Variants in PCED1B observed in about 807,000 individuals in gnomAD.
PCED1B encodes the protein PC-esterase domain containing 1B.
For synonymous variants in PCED1B, 251 were observed against 246.1 expected (o/e 1.02, Z -0.19); for missense variants, 573 against 573.9 (o/e 1.00, Z 0.02).
intron 2 of PCED1B, among the ~76,000 whole-genome samples, chr12:47,115,408 C>CT (rs1939374422): frequency 6.6e-6 from 1 of 152,068 alleles, no homozygotes; most frequent in South Asian, 2.1e-4. Flanking sequence ...TCATTTTGTA[C>CT]TTTTTTGGTG....
At position 47,235,583 on chromosome 12, in the gene PCED1B, G is replaced by A. The variant is rs751416285; in HGVS notation, c.520G>A (p.Gly174Arg). 5.6e-6 allele frequency: 9 copies of A among 1,608,598 alleles called. No homozygotes were observed. Among genetic ancestry groups the A allele is most frequent in the Admixed American group, 1.7e-5 (1 of 59,720 alleles). Residue 174 changes from glycine to arginine, a missense_variant, in exon 4 of 4, where the codon GGG (glycine) becomes AGG (arginine). Coordinates refer to ENST00000546455, the MANE Select transcript of PCED1B (RefSeq NM_138371.3). Reference sequence around the variant, plus strand: ...CATGCCTGTGGGCGAGGAAGTCACCGGGGGTTTTCTTCCGCCCAAGCTCCG... The same window carrying A: ...CATGCCTGTGGGCGAGGAAGTCACCAGGGGTTTTCTTCCGCCCAAGCTCCG... ...TAMPVGEEVTGGFLPPKLRRQ... is the reference protein window; with the variant it reads ...TAMPVGEEVTRGFLPPKLRRQ...
At position 47,234,992 on chromosome 12, in the gene PCED1B, C is replaced by T. The variant is rs1485641590; in HGVS notation, c.-57-15C>T. On this transcript the variant is annotated splice_polypyrimidine_tract_variant and intron_variant, in intron 3 of 3. Coordinates refer to ENST00000546455, the MANE Select transcript of PCED1B (RefSeq NM_138371.3). The stretch of plus-strand genomic sequence containing the variant: ...GAGGTGAGTCCCTCCCAGCCCTTCT[C>T]TCCTTCTGTCCTAGCCATCCGCAGA... The T allele has an allele frequency of 7.1e-7, 1 of 1,408,554 alleles. No individual in the cohort carries two copies. Among genetic ancestry groups the T allele is most frequent in the Non-Finnish European group, 9.5e-7 (1 of 1,048,842 alleles). The allele number at this position is 1,408,554 out of a possible 1,614,324, so 87.3% of individuals were successfully genotyped here.
In PCED1B at chr12:47,222,786, G is replaced by C. The variant is rs558342207; in HGVS notation, c.-58+6097G>C. Among the ~76,000 whole-genome samples the C allele has an allele frequency of 5.3e-5, 8 of 152,236 alleles. No individual in the cohort carries two copies. In the South Asian group the frequency reaches 1.7e-3, roughly 32 times the overall value. ...GCAGTGGAGCAGGATCAAACCCAGG[G>C]GGCCAACCCCAGAGCCCCTCCCTCT... On this transcript the variant is annotated intron_variant, in intron 3 of 3. Transcript: ENST00000546455.
chr12:47,198,120 A>G (rs1455229728), intron 2 of PCED1B, among the ~76,000 whole-genome samples: 1 of 152,260 alleles, frequency 6.6e-6, no homozygotes, highest in Non-Finnish European at 1.5e-5. Flanking sequence ...CATATCTTTC[A>G]CAATCATAAA....
At chr12:47,093,214 A>T (rs1206994125) in intron 1 of PCED1B, among the ~76,000 whole-genome samples, 2 of 151,868 alleles carry the variant, frequency 1.3e-5, no homozygotes, top group Non-Finnish European at 2.9e-5. Flanking sequence ...GTCTTGGTAA[A>T]TTGTATTTTC....
At chr12:47,207,689 C>T (rs1942953189) in intron 2 of PCED1B, among the ~76,000 whole-genome samples, 1 of 152,230 alleles carries the variant, frequency 6.6e-6, no homozygotes, top group African/African-American at 2.4e-5. Flanking sequence ...AGTATGCATT[C>T]CTCTTCATCA....
At chr12:47,140,387 C>T (rs1328594006) in intron 2 of PCED1B, among the ~76,000 whole-genome samples, 1 of 152,066 alleles carries the variant, frequency 6.6e-6, no homozygotes, top group Admixed American at 6.6e-5. Flanking sequence ...TTTGAAAACC[C>T]AGGGATTCTT....
intron 2 of PCED1B, among the ~76,000 whole-genome samples, chr12:47,104,814 G>A (rs920294036): frequency 6.6e-6 from 1 of 152,138 alleles, no homozygotes; most frequent in Non-Finnish European, 1.5e-5. Flanking sequence ...ACCCACAGCA[G>A]CCTCCACTGG....
At chr12:47,190,334 G>A (rs756655347) in intron 2 of PCED1B, among the ~76,000 whole-genome samples, 2 of 152,162 alleles carry the variant, frequency 1.3e-5, no homozygotes, top group Admixed American at 6.5e-5. Flanking sequence ...AATAGATACA[G>A]ACCTCACCCA....
intron 3 of PCED1B, among the ~76,000 whole-genome samples, chr12:47,231,336 G>A (rs1159547403): frequency 6.6e-6 from 1 of 152,200 alleles, no homozygotes; most frequent in African/African-American, 2.4e-5. Flanking sequence ...GTGAAGAAAT[G>A]ACAGGACAAA....
intron 1 of PCED1B, among the ~76,000 whole-genome samples, chr12:47,080,961 A>C (rs901191941): frequency 4.6e-5 from 7 of 152,120 alleles, no homozygotes; most frequent in Admixed American, 1.3e-4. Flanking sequence ...CCTTCCGGAG[A>C]TGCCGCGGCC....
At chr12:47,120,179 G>A (rs1939616767) in intron 2 of PCED1B, among the ~76,000 whole-genome samples, 1 of 152,058 alleles carries the variant, frequency 6.6e-6, no homozygotes, top group South Asian at 2.1e-4. Context: ...CAAAAATTCA[G>A]ATAACAAATG....
intron 2 of PCED1B, among the ~76,000 whole-genome samples, chr12:47,111,976 T>A (rs1436218026): frequency 6.6e-6 from 1 of 152,152 alleles, no homozygotes; most frequent in African/African-American, 2.4e-5. Flanking sequence ...AAGCTGTTGG[T>A]GGGGGTCGTG....
chr12:47,106,548 C>T (rs376957563), intron 2 of PCED1B, among the ~76,000 whole-genome samples: 58 of 152,166 alleles, frequency 3.8e-4, no homozygotes, highest in African/African-American at 1.3e-3. Flanking sequence ...TCAGCAAACG[C>T]GCCTCTCAAC....
intron 2 of PCED1B, among the ~76,000 whole-genome samples, chr12:47,126,725 A>G (rs1380841242): frequency 1.3e-5 from 2 of 152,122 alleles, no homozygotes; most frequent in Non-Finnish European, 2.9e-5. Flanking sequence ...ATTAGCTTTC[A>G]TAGTCTGTGT....
intron 2 of PCED1B, among the ~76,000 whole-genome samples, chr12:47,133,845 G>A (rs1940232932): frequency 6.6e-6 from 1 of 152,154 alleles, no homozygotes; most frequent in South Asian, 2.1e-4. Context: ...ACCTTTAGGA[G>A]GTGATTTAGG....
At chr12:47,103,441 A>T (rs1274578277) in intron 1 of PCED1B, among the ~76,000 whole-genome samples, 1 of 152,228 alleles carries the variant, frequency 6.6e-6, no homozygotes, top group Non-Finnish European at 1.5e-5. Flanking sequence ...GCCAGAAGCC[A>T]TGATGAAGTC....
intron 3 of PCED1B, among the ~76,000 whole-genome samples, chr12:47,217,805 G>A (rs1051573842): frequency 5.3e-5 from 8 of 152,168 alleles, no homozygotes; most frequent in Admixed American, 5.2e-4. Flanking sequence ...TTGAACTCCA[G>A]ACCTCAGGTG....
At chr12:47,160,043 G>T (rs1321678210) in intron 2 of PCED1B, among the ~76,000 whole-genome samples, 2 of 151,958 alleles carry the variant, frequency 1.3e-5, no homozygotes, top group African/African-American at 4.8e-5. Context: ...AAATCAGTTG[G>T]CTGCAAATAC....
Sources: gnomAD v4.1 joint callset for allele counts (sites outside exome capture counted in the v4.1 genomes callset) on GRCh38, gnomAD v4.1.1 for gene constraint, MANE v1.5 for transcripts, NCBI Gene and HGNC (gene_info 2026-07-23, HGNC 2026-07-21) for gene names.